Variants in MOB3B observed in about 807,000 individuals in gnomAD.
The protein encoded by MOB3B is MOB kinase activator 3B, also known as MOB kinase activator-like 2B.
MOB3B carries 7 observed loss-of-function variants against 18.7 expected under a neutral mutation model. The observed-to-expected ratio is 0.37, with a 90% CI of 0.21 to 0.70. MOB3B has a LOEUF of 0.70. MOB3B is among the 30% of genes least tolerant of loss of function. The pLI is 0.52. For missense variants in MOB3B, 253 were observed against 281.3 expected (o/e 0.90, Z 0.72); for synonymous variants, 111 against 99.9 (o/e 1.11, Z -0.66).
At chr9:27,376,515 TA>T (rs1197904294) in intron 2 of MOB3B, among the ~76,000 whole-genome samples, 1 of 152,208 alleles carries the variant, frequency 6.6e-6, no homozygotes, top group East Asian at 1.9e-4. Flanking sequence ...ACCAAAGCTA[TA>T]AAAAGGAATT....
intron 2 of MOB3B, among the ~76,000 whole-genome samples, chr9:27,422,388 C>T (rs181843951): frequency 9.3e-4 from 142 of 152,338 alleles, no homozygotes; most frequent in African/African-American, 3.3e-3. Context: ...ACAATAGAGG[C>T]ATTTGGTAAA....
intron 3 of MOB3B, among the ~76,000 whole-genome samples, chr9:27,336,327 AT>A (rs1820862387): frequency 2.7e-5 from 4 of 147,062 alleles, no homozygotes; most frequent in African/African-American, 1.1e-4. Flanking sequence ...TGTAAAATGG[AT>A]AAGGGGGGGG....
At chr9:27,444,577 T>C (rs931818145) in intron 2 of MOB3B, among the ~76,000 whole-genome samples, 2 of 152,230 alleles carry the variant, frequency 1.3e-5, no homozygotes, top group African/African-American at 2.4e-5. Flanking sequence ...CAGGGAATTA[T>C]AGACACTACT....
At chr9:27,493,991 TC>T (rs1477318686) in intron 1 of MOB3B, among the ~76,000 whole-genome samples, 2 of 152,040 alleles carry the variant, frequency 1.3e-5, no homozygotes, top group South Asian at 4.2e-4. Context: ...GCATGGAACA[TC>T]CCTGGGAAAA....
At chr9:27,365,366 T>C (rs1418585597) in intron 2 of MOB3B, among the ~76,000 whole-genome samples, 7 of 135,498 alleles carry the variant, frequency 5.2e-5, no homozygotes, top group South Asian at 2.2e-4. Flanking sequence ...CTTCTTCTCT[T>C]TTTTTTTTTT....
At chr9:27,331,885 A>G (rs1273512245) in intron 3 of MOB3B, among the ~76,000 whole-genome samples, 1 of 152,186 alleles carries the variant, frequency 6.6e-6, no homozygotes, top group Non-Finnish European at 1.5e-5. Flanking sequence ...CTATTCGAAA[A>G]CCATACAGAT....
chr9:27,523,460 G>T (rs1820371518), intron 1 of MOB3B, among the ~76,000 whole-genome samples: 1 of 77,104 alleles, frequency 1.3e-5, no homozygotes. Context: ...TGCCTAAACT[G>T]CACCAAAAAA....
chr9:27,453,463 G>T (rs749066650), intron 2 of MOB3B, among the ~76,000 whole-genome samples: 6 of 152,134 alleles, frequency 3.9e-5, no homozygotes, highest in Non-Finnish European at 5.9e-5. Flanking sequence ...AGCAAAGTCG[G>T]TTACCCTGGG....
At chr9:27,461,633 C>T (rs1008568324) in intron 1 of MOB3B, among the ~76,000 whole-genome samples, 4 of 152,254 alleles carry the variant, frequency 2.6e-5, no homozygotes, top group African/African-American at 9.6e-5. Context: ...GACTATTCTG[C>T]TCATCTTCTA....
At chr9:27,363,994 C>G (rs1458223821) in intron 2 of MOB3B, among the ~76,000 whole-genome samples, 1 of 152,210 alleles carries the variant, frequency 6.6e-6, no homozygotes. Context: ...ATCCTCCCAC[C>G]TCAGCCTCTC....
At chr9:27,403,204 C>T (rs1821911854) in intron 2 of MOB3B, among the ~76,000 whole-genome samples, 1 of 152,176 alleles carries the variant, frequency 6.6e-6, no homozygotes, top group South Asian at 2.1e-4. Flanking sequence ...TTAACCTAGC[C>T]ATACATATGT....
chr9:27,440,088 G>C (rs930707781), intron 2 of MOB3B, among the ~76,000 whole-genome samples: 4 of 152,186 alleles, frequency 2.6e-5, no homozygotes, highest in African/African-American at 9.7e-5. Context: ...TGGTTAGCAA[G>C]GCAGGTGTAA....
At chr9:27,431,796 G>A (rs968793467) in intron 2 of MOB3B, among the ~76,000 whole-genome samples, 13 of 152,170 alleles carry the variant, frequency 8.5e-5, no homozygotes, top group African/African-American at 3.1e-4. Context: ...AATGACACAA[G>A]CAGACTTAAG....
intron 2 of MOB3B, among the ~76,000 whole-genome samples, chr9:27,395,604 T>C (rs1318815718): frequency 6.6e-6 from 1 of 152,218 alleles, no homozygotes; most frequent in Non-Finnish European, 1.5e-5. Context: ...GCGAATGTGA[T>C]TCAATCCTTA....
intron 2 of MOB3B, among the ~76,000 whole-genome samples, chr9:27,452,741 G>T (rs4401967): frequency 0.13 from 19,162 of 152,110 alleles, 1,278 homozygotes; most frequent in African/African-American, 0.17. Flanking sequence ...GGAGAACATA[G>T]GTTAAGTGAA....
chr9:27,328,256 C>T lies in MOB3B; in HGVS notation c.*2331G>A, dbSNP rs1341589225. On this transcript the variant is annotated 3_prime_UTR_variant, in exon 4 of 4. Coordinates refer to ENST00000262244, the MANE Select transcript of MOB3B (RefSeq NM_024761.5). ...AAGAAGGAGGGTTGTCAGTCTCTGA[C>T]CCAGAGGGCTGAAGCTCCATTTATA... 1.3e-5 allele frequency: 2 copies of T among 151,720 alleles called. No homozygotes were observed. Among genetic ancestry groups the T allele is most frequent in the African/African-American group, 4.8e-5 (2 of 41,350 alleles). 9.4% of individuals were successfully genotyped at this position (151,720 alleles called of 1,614,324 possible).
At position 27,510,019 on chromosome 9, in the gene MOB3B, C is replaced by T. The variant is rs58967318; in HGVS notation, c.-199+19536G>A. Among the ~76,000 whole-genome samples the T allele has an allele frequency of 7.1e-3, 1,077 of 152,322 alleles. 18 individuals are homozygous for T. Among genetic ancestry groups the T allele is most frequent in the African/African-American group, 0.024 (1,000 of 41,574 alleles). On this transcript the variant is annotated intron_variant, in intron 1 of 3. Transcript: ENST00000262244. Reference sequence around the variant, plus strand: ...GGATTATAGGCATGAGCCACTGCACCCAGCCTCCAACAAATTTATGTAACA... The same window carrying T: ...GGATTATAGGCATGAGCCACTGCACTCAGCCTCCAACAAATTTATGTAACA...
At chr9:27,448,325 G>A (rs993672274) in intron 2 of MOB3B, among the ~76,000 whole-genome samples, 5 of 152,194 alleles carry the variant, frequency 3.3e-5, no homozygotes, top group Non-Finnish European at 7.3e-5. Flanking sequence ...AGGTGTATTA[G>A]TCTGTTTTCA....
intron 1 of MOB3B, among the ~76,000 whole-genome samples, chr9:27,457,318 A>G (rs770467531): frequency 1.3e-5 from 2 of 152,236 alleles, no homozygotes; most frequent in African/African-American, 4.8e-5. Context: ...ATCCACTCAT[A>G]GGTCAAGCCC....
Sources: gnomAD v4.1 joint callset for allele counts (sites outside exome capture counted in the v4.1 genomes callset) on GRCh38, gnomAD v4.1.1 for gene constraint, MANE v1.5 for transcripts, NCBI Gene and HGNC (gene_info 2026-07-23, HGNC 2026-07-21) for gene names.